Variants in TUT4 observed in about 807,000 individuals in gnomAD.
TUT4 encodes the protein terminal uridylyl transferase 4.
TUT4 carries 36 observed loss-of-function variants against 192.2 expected under a neutral mutation model. The ratio of observed to expected loss-of-function variants is 0.19; its 90% CI spans 0.14 to 0.25. The LOEUF is 0.25. Among genes scored for constraint, TUT4 ranks in the 10% least tolerant of loss-of-function variants. The pLI, the probability that TUT4 is intolerant of heterozygous loss-of-function variation, is 1.00. For missense variants in TUT4, 1,493 were observed against 1,957.2 expected (o/e 0.76, Z 4.47); for synonymous variants, 618 against 666.0 (o/e 0.93, Z 1.11).
At chr1:52,501,765 T>C (rs1258853572) in intron 4 of TUT4, among the ~76,000 whole-genome samples, 2 of 152,206 alleles carry the variant, frequency 1.3e-5, no homozygotes, top group Non-Finnish European at 2.9e-5. Flanking sequence ...TACGATGGAA[T>C]ATTATTCAAC....
chr1:52,458,587 A>G, intron 19 of TUT4, 138 bp from the exon 20 acceptor site: 1 of 553,946 alleles, frequency 1.8e-6, no homozygotes, highest in South Asian at 3.0e-5. Context: ...ACCGTCTATA[A>G]TCCCAACACT....
chr1:52,458,053 A>T (rs1374762788), intron 20 of TUT4, among the ~76,000 whole-genome samples: 4 of 152,226 alleles, frequency 2.6e-5, no homozygotes, highest in Non-Finnish European at 5.9e-5. Flanking sequence ...TGGCTACAAG[A>T]ACTTCACAAT....
intron 15 of TUT4, among the ~76,000 whole-genome samples, chr1:52,465,814 A>T (rs1007564830): frequency 2.0e-5 from 3 of 152,230 alleles, no homozygotes; most frequent in Non-Finnish European, 4.4e-5. Flanking sequence ...GTGTCATCCA[A>T]TAACAGCTAC....
At chr1:52,550,167 C>T (rs1353079) in intron 1 of TUT4, among the ~76,000 whole-genome samples, 4 of 151,906 alleles carry the variant, frequency 2.6e-5, no homozygotes, top group Admixed American at 1.3e-4. Context: ...TTAAACATTT[C>T]CCCCAAATTA....
Position 52,526,263 on chromosome 1 carries a change from G to A in TUT4, c.18C>T (p.Thr6=), listed in dbSNP as rs146945500. ...TTGGTTCATGATTTTCACTTTTTAAGGTTTTAGACTCTTCCATTATTTGAA... is the reference window on the plus strand; with the variant it reads ...TTGGTTCATGATTTTCACTTTTTAAAGTTTTAGACTCTTCCATTATTTGAA... MEESK[T]LKSENHEPKK... The change falls in exon 2 of 30, where the codon ACC becomes ACT. Residue 6 remains threonine, a synonymous_variant. Transcript: ENST00000257177. 4 of 1,549,262 alleles carry A rather than the reference G, an allele frequency of 2.6e-6. No homozygotes were observed. In the African/African-American group the frequency reaches 5.6e-5, roughly 22 times the overall value.
intron 9 of TUT4, among the ~76,000 whole-genome samples, chr1:52,484,168 G>A (rs568120652): frequency 6.6e-6 from 1 of 151,858 alleles, no homozygotes; most frequent in South Asian, 2.1e-4. Context: ...GAGCTATGAT[G>A]GCACCACTGC....
intron 9 of TUT4, among the ~76,000 whole-genome samples, chr1:52,484,933 G>C (rs1669417577): frequency 6.6e-6 from 1 of 152,170 alleles, no homozygotes; most frequent in Non-Finnish European, 1.5e-5. Flanking sequence ...TCAGAGTAAT[G>C]TCATTCATTC....
chr1:52,449,344 G>A (rs1658622195), intron 20 of TUT4, among the ~76,000 whole-genome samples: 1 of 152,132 alleles, frequency 6.6e-6, no homozygotes, highest in Admixed American at 6.5e-5. Flanking sequence ...TGTCACCCAG[G>A]CTGGAGTGCA....
intron 28 of TUT4, among the ~76,000 whole-genome samples, chr1:52,425,816 T>C (rs1649699403): frequency 6.6e-6 from 1 of 150,420 alleles, no homozygotes; most frequent in South Asian, 2.1e-4. Context: ...CGTAAGATGA[T>C]TGACTAATAT....
intron 1 of TUT4, among the ~76,000 whole-genome samples, chr1:52,545,966 C>CAAAAAAAAA (rs71041901): frequency 7.2e-4 from 52 of 72,210 alleles, no homozygotes; most frequent in African/African-American, 1.8e-3. Flanking sequence ...TACAAAAATA[C>CAAAAAAAAA]AAAAAAAAAA....
At chr1:52,534,394 C>T (rs953037683) in intron 1 of TUT4, among the ~76,000 whole-genome samples, 3 of 152,190 alleles carry the variant, frequency 2.0e-5, no homozygotes, top group African/African-American at 7.2e-5. Flanking sequence ...ATCTTCTGGT[C>T]TCCATATGCT....
At position 52,523,600 on chromosome 1, in the gene TUT4, A is replaced by C. The variant is rs765993027; in HGVS notation, c.718+1963T>G. Among the ~76,000 whole-genome samples, 5 of 151,996 alleles carry C rather than the reference A, an allele frequency of 3.3e-5. No individual in the cohort carries two copies. The East Asian group carries it at 5.8e-4, about 18-fold the overall frequency. Reference sequence around the variant, plus strand: ...CAGAGCAAAACCCTGTCTCAAAAACAAAACCAAACCAAAACAAAAAAAAAA... The same window carrying C: ...CAGAGCAAAACCCTGTCTCAAAAACCAAACCAAACCAAAACAAAAAAAAAA... On this transcript the variant is annotated intron_variant, in intron 2 of 29. Coordinates refer to ENST00000257177, the MANE Select transcript of TUT4 (RefSeq NM_001009881.3).
Position 52,497,146 on chromosome 1 carries a change from G to A in TUT4, c.1037C>T (p.Pro346Leu), listed in dbSNP as rs753347505. 3.7e-6 allele frequency: 6 copies of A among 1,611,484 alleles called. No homozygotes were observed. The highest frequency in any genetic ancestry group is 1.3e-5 in the African/African-American group (1 of 74,886). The change falls in exon 5 of 30, where the codon CCT (proline) becomes CTT (leucine). Residue 346 changes from proline to leucine, a missense_variant. Physicochemically the swap from Pro to Leu is moderately conservative, Grantham distance 98. This residue lies in a region of TUT4 where 437 missense variants were observed against 577.6 expected (regional missense o/e 0.76). Transcript: ENST00000257177. ...QEESELRSLP[P>L]PSPAHLAALS... ...AGCAGCCAAGTGGGCAGGGGAAGGA[G>A]GTGGCAGAGAACGAAGCTCACTTTC...
intron 20 of TUT4, among the ~76,000 whole-genome samples, chr1:52,456,727 G>A (rs542773936): frequency 2.2e-4 from 33 of 152,126 alleles, no homozygotes; most frequent in Non-Finnish European, 4.1e-4. Context: ...AATTTTTAAG[G>A]CACTGAAAAC....
intron 26 of TUT4, 152 bp downstream of exon 26, chr1:52,436,603 C>T (rs764170792): frequency 7.4e-6 from 9 of 1,217,194 alleles, no homozygotes; most frequent in African/African-American, 4.6e-5. Flanking sequence ...AAGTAAAAGC[C>T]TCATTGTCTA....
chr1:52,453,598 A>G (rs1342673169), intron 20 of TUT4, among the ~76,000 whole-genome samples: 1 of 152,120 alleles, frequency 6.6e-6, no homozygotes, highest in Non-Finnish European at 1.5e-5. Context: ...CAAATCTACA[A>G]AAATCCTACA....
chr1:52,482,593 ATTTT>A (rs1158665065), intron 9 of TUT4, among the ~76,000 whole-genome samples: 1 of 151,776 alleles, frequency 6.6e-6, no homozygotes, highest in East Asian at 1.9e-4. Flanking sequence ...TGCTCAGCTA[ATTTT>A]TTTTATTTTG....
At chr1:52,539,919 A>C (rs1427619840) in intron 1 of TUT4, among the ~76,000 whole-genome samples, 2 of 150,446 alleles carry the variant, frequency 1.3e-5, no homozygotes, top group Admixed American at 1.3e-4. Flanking sequence ...AAAAAAAAAA[A>C]CAAAAAAAAC....
intron 20 of TUT4, among the ~76,000 whole-genome samples, chr1:52,451,463 A>G (rs1004808254): frequency 6.6e-6 from 1 of 152,198 alleles, no homozygotes; most frequent in African/African-American, 2.4e-5. Context: ...GGATATCAAT[A>G]CATATCTCAT....
Sources: allele counts gnomAD v4.1 joint callset (sites outside exome capture counted in the v4.1 genomes callset), GRCh38; gene constraint gnomAD v4.1.1; regional missense constraint gnomAD v4.1.1; transcripts MANE v1.5; gene names NCBI Gene and HGNC (gene_info 2026-07-23, HGNC 2026-07-21).